Variants in FAM107B observed in about 807,000 individuals in gnomAD.
FAM107B encodes the protein family with sequence similarity 107 member B.
In FAM107B, 21 loss-of-function variants were observed where a neutral mutation model predicts 31.5. The ratio of observed to expected loss-of-function variants is 0.67; its 90% CI spans 0.47 to 0.96. The LOEUF (loss-of-function observed/expected upper bound fraction) is 0.96, where lower values mean the gene tolerates loss of function less well. Ranked by LOEUF, FAM107B falls within the 40% of genes least tolerant of loss-of-function variation. The pLI, the probability that FAM107B is intolerant of heterozygous loss-of-function variation, is 0.00. For missense variants in FAM107B, 452 were observed against 377.1 expected (o/e 1.20, Z -1.64); for synonymous variants, 157 against 141.5 (o/e 1.11, Z -0.78).
chr10:14,625,483 A>G (rs930288421), intron 2 of FAM107B, among the ~76,000 whole-genome samples: 2 of 152,148 alleles, frequency 1.3e-5, no homozygotes, highest in Non-Finnish European at 2.9e-5. Flanking sequence ...AGGGCCTGAC[A>G]GCCATGAGTA....
intron 1 of FAM107B, among the ~76,000 whole-genome samples, chr10:14,724,856 C>CT (rs1224454545): frequency 6.6e-6 from 1 of 152,242 alleles, no homozygotes; most frequent in East Asian, 1.9e-4. Flanking sequence ...AGTGTCTTCT[C>CT]TTCCAGGGCC....
At chr10:14,562,550 G>A (rs1850332343) in intron 2 of FAM107B, among the ~76,000 whole-genome samples, 2 of 152,314 alleles carry the variant, frequency 1.3e-5, no homozygotes, top group Non-Finnish European at 1.5e-5. Context: ...CAAACATGAT[G>A]AAATCTTCCA....
At chr10:14,717,014 C>T (rs186253434) in intron 1 of FAM107B, among the ~76,000 whole-genome samples, 5 of 152,096 alleles carry the variant, frequency 3.3e-5, no homozygotes, top group Admixed American at 6.5e-5. Context: ...CCCTGGAATC[C>T]GTGAGGCAGA....
chr10:14,521,788 G>A (rs1845664573), intron 4 of FAM107B, 81 bp downstream of exon 4: 2 of 1,546,184 alleles, frequency 1.3e-6, no homozygotes, highest in African/African-American at 1.4e-5. Flanking sequence ...TGGCACGTCT[G>A]GTAAATCCTG....
In FAM107B at chr10:14,668,708, C is replaced by T. The variant is rs560664814; in HGVS notation, c.412-1017G>A. Among the ~76,000 whole-genome samples, 9 of 152,268 alleles carry T rather than the reference C, an allele frequency of 5.9e-5. No individual in the cohort carries two copies. The East Asian group carries it at 7.7e-4, about 13-fold the overall frequency. On this transcript the variant is annotated intron_variant, in intron 1 of 4. Coordinates refer to ENST00000181796, the MANE Select transcript of FAM107B (RefSeq NM_031453.4). ...ACAAATATTTGATGAGTGTCTGCTA[C>T]GGGCTATTTCTGTGGGATCTTAACC...
intron 1 of FAM107B, among the ~76,000 whole-genome samples, chr10:14,682,903 A>T (rs1854873215): frequency 6.6e-6 from 1 of 152,082 alleles, no homozygotes; most frequent in African/African-American, 2.4e-5. Context: ...TAAAAAAAAG[A>T]AAAATAAATA....
chr10:14,681,378 G>A (rs1299472100), intron 1 of FAM107B, among the ~76,000 whole-genome samples: 1 of 152,166 alleles, frequency 6.6e-6, no homozygotes, highest in African/African-American at 2.4e-5. Flanking sequence ...CTCTCCACCT[G>A]TCCATTGCTG....
At chr10:14,681,282 C>A (rs890542767) in intron 1 of FAM107B, among the ~76,000 whole-genome samples, 2 of 152,202 alleles carry the variant, frequency 1.3e-5, no homozygotes, top group African/African-American at 4.8e-5. Flanking sequence ...CTAGTACACA[C>A]TGAAGTTTGA....
At chr10:14,626,154 C>T (rs10796209) in intron 2 of FAM107B, among the ~76,000 whole-genome samples, 147,396 of 152,256 alleles carry the variant, frequency 0.97, 71,544 homozygotes, top group Middle Eastern at 1. Context: ...TTATTTACTC[C>T]GTTGAAGGCT....
intron 2 of FAM107B, among the ~76,000 whole-genome samples, chr10:14,569,724 G>C (rs557001950): frequency 6.6e-6 from 1 of 152,240 alleles, no homozygotes; most frequent in African/African-American, 2.4e-5. Context: ...GGAAACCAAG[G>C]TTCCTCTGTC....
chr10:14,555,179 A>G (rs767594163), intron 2 of FAM107B, among the ~76,000 whole-genome samples: 1 of 143,562 alleles, frequency 7.0e-6, no homozygotes, highest in Non-Finnish European at 1.5e-5. Flanking sequence ...AACCAAAGTC[A>G]TAATCTTGAC....
At chr10:14,634,702 T>C (rs924666489) in intron 2 of FAM107B, among the ~76,000 whole-genome samples, 3 of 151,718 alleles carry the variant, frequency 2.0e-5, no homozygotes, top group Non-Finnish European at 4.4e-5. Flanking sequence ...GTTAGCTGAG[T>C]TTCCCATTTT....
chr10:14,709,367 C>T (rs972325816), intron 1 of FAM107B, among the ~76,000 whole-genome samples: 2 of 152,158 alleles, frequency 1.3e-5, no homozygotes, highest in Non-Finnish European at 2.9e-5. Flanking sequence ...TACAGTTCCA[C>T]GTGGCTGGGC....
intron 1 of FAM107B, among the ~76,000 whole-genome samples, chr10:14,685,706 G>A (rs569855448): frequency 1.3e-5 from 2 of 152,258 alleles, no homozygotes; most frequent in African/African-American, 4.8e-5. Flanking sequence ...CATACTTGGA[G>A]CGTTTGTAAG....
intron 2 of FAM107B, among the ~76,000 whole-genome samples, chr10:14,624,433 T>C (rs548691226): frequency 1.3e-5 from 2 of 152,240 alleles, no homozygotes; most frequent in East Asian, 3.9e-4. Context: ...GGTCAGGAAT[T>C]GGACACCAGC....
At chr10:14,583,086 C>CAAAAAAAAAAAA (rs60205603) in intron 2 of FAM107B, among the ~76,000 whole-genome samples, 1 of 56,380 alleles carries the variant, frequency 1.8e-5, no homozygotes, top group African/African-American at 6.3e-5. Context: ...GACTCTGTCT[C>CAAAAAAAAAAAA]AAAAAAAAAA....
intron 1 of FAM107B, among the ~76,000 whole-genome samples, chr10:14,752,140 G>A (rs564518704): frequency 3.3e-5 from 5 of 152,140 alleles, no homozygotes; most frequent in African/African-American, 7.2e-5. Context: ...GCAGACTCCC[G>A]CAGGGAGCCT....
chr10:14,597,064 G>A (rs936380910), intron 2 of FAM107B, among the ~76,000 whole-genome samples: 4 of 151,980 alleles, frequency 2.6e-5, no homozygotes, highest in African/African-American at 9.7e-5. Flanking sequence ...ACTTTACCCT[G>A]CACATCCACT....
intron 2 of FAM107B, among the ~76,000 whole-genome samples, chr10:14,643,168 T>C (rs1355213294): frequency 1.3e-5 from 2 of 152,004 alleles, no homozygotes; most frequent in Non-Finnish European, 2.9e-5. Context: ...GATGTGATTA[T>C]GGAGGATGAG....
Sources: allele counts gnomAD v4.1 joint callset (sites outside exome capture counted in the v4.1 genomes callset), GRCh38; gene constraint gnomAD v4.1.1; transcripts MANE v1.5; gene names NCBI Gene and HGNC (gene_info 2026-07-23, HGNC 2026-07-21).